EBF4: variants seen among roughly 807,000 people sequenced by gnomAD.
The protein encoded by EBF4 is EBF transcription factor 4, also known as transcription factor COE4.
A neutral mutation model predicts 67.1 loss-of-function variants in EBF4; 34 were observed. The ratio of observed to expected loss-of-function variants is 0.51; its 90% confidence interval spans 0.39 to 0.67. EBF4 has a LOEUF of 0.67. Among genes scored for constraint, EBF4 ranks in the 30% least tolerant of loss-of-function variants. EBF4 has a pLI of 0.00. For missense variants in EBF4, 837 were observed against 873.3 expected (o/e 0.96, Z 0.52); for synonymous variants, 387 against 377.7 (o/e 1.02, Z -0.29).
chr20:2,718,161 A>T (rs984427077), intron 6 of EBF4, among the ~76,000 whole-genome samples: 1 of 152,152 alleles, frequency 6.6e-6, no homozygotes, highest in African/African-American at 2.4e-5. Context: ...CTTAATAAGG[A>T]TGTATTATCT....
intron 1 of EBF4, among the ~76,000 whole-genome samples, chr20:2,699,875 T>C (rs1031968852): frequency 1.3e-5 from 2 of 152,234 alleles, no homozygotes; most frequent in African/African-American, 4.8e-5. Flanking sequence ...CTGGCATCCA[T>C]CGTACCCCAG....
intron 6 of EBF4, among the ~76,000 whole-genome samples, chr20:2,744,400 C>T (rs1021655384): frequency 6.6e-6 from 1 of 151,972 alleles, no homozygotes; most frequent in Non-Finnish European, 1.5e-5. Context: ...ACATACACTC[C>T]AGTGAAGCAT....
At chr20:2,697,214 G>C (rs894714661) in intron 1 of EBF4, among the ~76,000 whole-genome samples, 1 of 152,130 alleles carries the variant, frequency 6.6e-6, no homozygotes, top group Non-Finnish European at 1.5e-5. Context: ...ATCAGCGAGG[G>C]AGGCTCTGCC....
rs951478532 is a variant in EBF4, at chr20:2,739,099, A to G, written c.558-9450A>G. On this transcript the variant is annotated intron_variant, in intron 6 of 16. Transcript: ENST00000609451. This position sits in a 1 kb window ranked among gnomAD's most constrained non-coding sequence, Gnocchi z 4.5. ...AGGAAGCAGCCTGGGCCAACCCCACATGGGCCTGAACTATTACAGTAAGCT... is the reference window on the plus strand; with the variant it reads ...AGGAAGCAGCCTGGGCCAACCCCACGTGGGCCTGAACTATTACAGTAAGCT... Among the ~76,000 whole-genome samples, 1 of 152,164 alleles carries G rather than the reference A, an allele frequency of 6.6e-6. No homozygotes were observed. Among genetic ancestry groups the G allele is most frequent in the African/African-American group, 2.4e-5 (1 of 41,432 alleles).
At chr20:2,726,527 G>A (rs1288125294) in intron 6 of EBF4, among the ~76,000 whole-genome samples, 1 of 151,324 alleles carries the variant, frequency 6.6e-6, no homozygotes, top group Admixed American at 6.6e-5. Context: ...GTTACCGTGA[G>A]CTATGATTGT....
At chr20:2,741,445 G>A (rs2087967224) in intron 6 of EBF4, among the ~76,000 whole-genome samples, 1 of 152,160 alleles carries the variant, frequency 6.6e-6, no homozygotes, top group Non-Finnish European at 1.5e-5. Context: ...CACTGTGCTT[G>A]GGGAGTTAAT....
intron 1 of EBF4, among the ~76,000 whole-genome samples, chr20:2,698,753 G>A (rs13040535): frequency 0.15 from 23,443 of 152,136 alleles, 1,911 homozygotes; most frequent in East Asian, 0.28. Flanking sequence ...TGAAAGTAGG[G>A]CTTGTCCCCC....
chr20:2,704,701 G>A (rs2087426240), intron 1 of EBF4, among the ~76,000 whole-genome samples: 1 of 152,108 alleles, frequency 6.6e-6, no homozygotes, highest in Non-Finnish European at 1.5e-5. Context: ...TTTTTGCATG[G>A]ACATCTTTGG....
intron 6 of EBF4, among the ~76,000 whole-genome samples, chr20:2,735,743 G>A (rs1163235409): frequency 7.9e-5 from 12 of 152,194 alleles, no homozygotes; most frequent in Admixed American, 4.6e-4. Flanking sequence ...GGATGCTTGG[G>A]AGAAGAGAGG....
intron 6 of EBF4, 108 bp downstream of exon 6, chr20:2,709,750 CG>C: frequency 8.6e-7 from 1 of 1,157,446 alleles, no homozygotes; most frequent in East Asian, 3.1e-5. Context: ...GCAGCCCCCC[CG>C]GGGCACCAGG....
At chr20:2,752,220 G>A in exon 13 of EBF4, 3 of 1,358,436 alleles carry the variant, frequency 2.2e-6, no homozygotes, top group East Asian at 3.2e-5. Flanking sequence ...TCAGCAGCCC[G>A]CTGGCCATCG....
Position 2,707,767 on chromosome 20 carries a change from G to A in EBF4, c.415-180G>A, listed in dbSNP as rs959521564. Among the ~76,000 whole-genome samples the A allele has an allele frequency of 9.2e-5, 14 of 152,238 alleles. No individual in the cohort carries two copies. In the South Asian group the frequency reaches 1.0e-3, roughly 11 times the overall value. Reference sequence around the variant, plus strand: ...CATTCTTGCCAGCCGGTGGTGGTCCGGTTTGGGAGGAGGGGTTATCCCCCG... The same window carrying A: ...CATTCTTGCCAGCCGGTGGTGGTCCAGTTTGGGAGGAGGGGTTATCCCCCG... On this transcript the variant is annotated intron_variant, in intron 4 of 16. Transcript: ENST00000609451. This position sits in a 1 kb window ranked among gnomAD's most constrained non-coding sequence, Gnocchi z 4.6.
rs560974931 is a variant in EBF4, at chr20:2,736,850, G to A, written c.558-11699G>A. 9.7e-5 allele frequency among the ~76,000 whole-genome samples: 14 copies of A among 143,646 alleles called. No homozygotes were observed. In the East Asian group the frequency reaches 2.7e-3, roughly 27 times the overall value. The allele number at this position is 143,646 out of a possible 152,430, so 94.2% of individuals were successfully genotyped here. The stretch of plus-strand genomic sequence containing the variant: ...AGGACAAAGGACCCCTAATGAAGAG[G>A]AAGGACTTATGAGGAGACCTCTGGG... On this transcript the variant is annotated intron_variant, in intron 6 of 16. Coordinates refer to ENST00000609451, the Ensembl canonical transcript of EBF4.
intron 16 of EBF4, 95 bp downstream of exon 16, chr20:2,759,079 G>C (rs902328730): frequency 8.3e-7 from 1 of 1,200,608 alleles, no homozygotes. Context: ...AAGCCTCCCC[G>C]CTAGCAGCCC....
At chr20:2,700,472 C>CCG (rs2087358137) in intron 1 of EBF4, among the ~76,000 whole-genome samples, 1 of 152,146 alleles carries the variant, frequency 6.6e-6, no homozygotes, top group Admixed American at 6.5e-5. Flanking sequence ...TTAGGCAGCG[C>CCG]CACTTTGGAG....
chr20:2,725,783 G>T (rs1368277263), intron 6 of EBF4, among the ~76,000 whole-genome samples: 2 of 152,170 alleles, frequency 1.3e-5, no homozygotes, highest in Non-Finnish European at 2.9e-5. Context: ...CTCTCAGGTG[G>T]TTCCTATTCT....
chr20:2,757,527 G>A (rs182639304), intron 15 of EBF4, among the ~76,000 whole-genome samples: 20 of 152,322 alleles, frequency 1.3e-4, no homozygotes, highest in African/African-American at 4.1e-4. Context: ...GGAAGGACTT[G>A]CCCAAGCAAG....
At chr20:2,758,019 TGAGG>T (rs2088272013) in intron 15 of EBF4, among the ~76,000 whole-genome samples, 1 of 152,134 alleles carries the variant, frequency 6.6e-6, no homozygotes, top group South Asian at 2.1e-4. Context: ...AACTCATCAG[TGAGG>T]GAGCTAACAG....
chr20:2,712,460 G>A (rs1056140643), intron 6 of EBF4, among the ~76,000 whole-genome samples: 3 of 152,196 alleles, frequency 2.0e-5, no homozygotes, highest in Admixed American at 1.3e-4. Flanking sequence ...TATCAACTTA[G>A]AAGGATGGAG....
Sources: gnomAD v4.1 joint callset for allele counts (sites outside exome capture counted in the v4.1 genomes callset) on GRCh38, gnomAD v4.1.1 for gene constraint, Gnocchi (gnomAD v3.1) non-coding constraint, MANE v1.5 for transcripts, NCBI Gene and HGNC (gene_info 2026-07-23, HGNC 2026-07-21) for gene names.